SIVA1: variants seen among roughly 807,000 people sequenced by gnomAD.
The protein encoded by SIVA1 is apoptosis regulatory protein Siva.
SIVA1 carries 10 observed loss-of-function variants against 19.7 expected under a neutral mutation model. That is an observed-to-expected ratio of 0.51 (90% CI 0.31 to 0.86). The LOEUF (loss-of-function observed/expected upper bound fraction) is 0.86, where lower values mean the gene tolerates loss of function less well. Among genes scored for constraint, SIVA1 ranks in the 40% least tolerant of loss-of-function variants. The probability of loss-of-function intolerance (pLI) is 0.04; values close to 1 mark genes in which losing one functional copy is unlikely to be tolerated. For synonymous variants in SIVA1, 130 were observed against 106.1 expected (o/e 1.23, Z -1.39); for missense variants, 241 against 245.2 (o/e 0.98, Z 0.11).
rs764847526 is a variant in SIVA1, at chr14:104,756,765, G to A, written c.470+5G>A. ...TACCCTGTGTGGCCTCGTGGAGTAA[G>A]TACTTCAGTCCCTGGAGCTGCTGAG... is the stretch of plus-strand genomic sequence containing the variant. On this transcript the variant is annotated splice_donor_5th_base_variant and intron_variant, in intron 3 of 3. Coordinates refer to ENST00000329967, the MANE Select transcript of SIVA1 (RefSeq NM_006427.4). 1.9e-6 allele frequency: 3 copies of A among 1,607,060 alleles called. No homozygotes were observed. The highest frequency in any genetic ancestry group is 2.6e-6 in the Non-Finnish European group (3 of 1,175,534).
At chr14:104,754,988 A>G (rs924762724) in intron 1 of SIVA1, among the ~76,000 whole-genome samples, 2 of 152,318 alleles carry the variant, frequency 1.3e-5, no homozygotes, top group South Asian at 2.1e-4. Flanking sequence ...TGATTTTTCA[A>G]AGCTCCCCAG....
chr14:104,758,435 T>C (rs1891973482), intron 3 of SIVA1: 1 of 152,190 alleles, frequency 6.6e-6, no homozygotes, highest in Non-Finnish European at 1.5e-5. Context: ...ACATCTCTCT[T>C]AATCACTTTC....
intron 3 of SIVA1, 116 bp downstream of exon 3, chr14:104,756,876 T>C: frequency 8.4e-7 from 1 of 1,191,644 alleles, no homozygotes; most frequent in Non-Finnish European, 1.2e-6. Context: ...CCTGATGCAG[T>C]GCCATCTGGC....
In SIVA1 at chr14:104,759,522, G is replaced by T; in HGVS notation, c.*37G>T. The T allele has an allele frequency of 6.3e-7, 1 of 1,579,076 alleles. No individual in the cohort carries two copies. The highest frequency in any genetic ancestry group is 1.7e-5 in the Admixed American group (1 of 59,780). ...GCCGGCTGCCTTCACCGGGAGCCACGCCGTGCATGGCAGCCTTCCCTGGAC... is the reference window on the plus strand; with the variant it reads ...GCCGGCTGCCTTCACCGGGAGCCACTCCGTGCATGGCAGCCTTCCCTGGAC... On this transcript the variant is annotated 3_prime_UTR_variant, in exon 4 of 4. Coordinates refer to ENST00000329967, the MANE Select transcript of SIVA1 (RefSeq NM_006427.4). The surrounding 1 kb of genome is among the most constrained non-coding windows in gnomAD (Gnocchi z 4.2).
chr14:104,757,146 C>T (rs1358703097), intron 3 of SIVA1: 2 of 332,466 alleles, frequency 6.0e-6, no homozygotes, highest in South Asian at 2.4e-5. Flanking sequence ...TCATGCGTGC[C>T]GTTTGGTTGT....
chr14:104,755,983 G>A (rs1034266010), intron 2 of SIVA1, 159 bp downstream of exon 2: 1 of 744,518 alleles, frequency 1.3e-6, no homozygotes, highest in East Asian at 2.7e-5. Context: ...GTTATCAGGA[G>A]GTCTCACATT....
rs983951800 is a variant in SIVA1 at position 104,755,673 on chromosome 14, G to T, written c.162G>T (p.Leu54=). ...TGTTCCTCGGGGCCCAGGCCTACCT[G>T]GACCACGTGTGGGATGAAGGCTGTG... ...RLLFLGAQAY[L]DHVWDEGCAV... is the part of the protein sequence containing the mutation. The change falls in exon 2 of 4, where the codon CTG becomes CTT. Residue 54 remains leucine, a synonymous_variant. Transcript: ENST00000329967. The T allele has an allele frequency of 6.2e-7, 1 of 1,613,884 alleles. No homozygotes were observed. The highest frequency in any genetic ancestry group is 8.5e-7 in the Non-Finnish European group (1 of 1,179,956).
At position 104,756,634 on chromosome 14, in the gene SIVA1, C is replaced by G. The variant is rs746849274; in HGVS notation, c.344C>G (p.Ser115Cys). 6.2e-7 allele frequency: 1 copy of G among 1,614,202 alleles called. No individual in the cohort carries two copies. Among genetic ancestry groups the G allele is most frequent in the Admixed American group, 1.7e-5 (1 of 60,034 alleles). The change falls in exon 3 of 4, where the codon TCC becomes TGC. Residue 115 changes from serine to cysteine, a missense_variant. Physicochemically the swap from Ser to Cys is moderately radical, Grantham distance 112. Transcript: ENST00000329967. ...DPSGVASIAC[S>C]SCVRAVDGKA... ...TCTGGGGTAGCGTCCATTGCCTGTT[C>G]CTCATGCGTGCGAGCCGTGGATGGG... is the stretch of plus-strand genomic sequence containing the variant.
Position 104,759,499 on chromosome 14 carries a change from C to T in SIVA1, c.*14C>T, listed in dbSNP as rs781346755. On this transcript the variant is annotated 3_prime_UTR_variant, in exon 4 of 4. Coordinates refer to ENST00000329967, the MANE Select transcript of SIVA1 (RefSeq NM_006427.4). This position sits in a 1 kb window ranked among gnomAD's most constrained non-coding sequence, Gnocchi z 4.2. ...TTCGAGACCTGAGGCTGGCTCAAGCCGGCTGCCTTCACCGGGAGCCACGCC... is the reference window on the plus strand; with the variant it reads ...TTCGAGACCTGAGGCTGGCTCAAGCTGGCTGCCTTCACCGGGAGCCACGCC... 8 of 1,607,456 alleles carry T rather than the reference C, an allele frequency of 5.0e-6. No homozygotes were observed. Among genetic ancestry groups the T allele is most frequent in the East Asian group, 4.5e-5 (2 of 44,852 alleles).
At position 104,759,069 on chromosome 14, in the gene SIVA1, AG is replaced by A. The variant is rs1359930449; in HGVS notation, c.471-356del. On this transcript the variant is annotated intron_variant, in intron 3 of 3. Transcript: ENST00000329967. The surrounding 1 kb of genome is among the most constrained non-coding windows in gnomAD (Gnocchi z 4.2). ...AGAAGTCTGAGAGGAAGGTGCTGGC[AG>A]GGCTGGTTCCTTCTGAGGCTGCAAT... The A allele has an allele frequency of 7.2e-5, 13 of 179,886 alleles. No homozygotes were observed. In the Admixed American group the frequency reaches 8.0e-4, roughly 11 times the overall value. 11.1% of individuals were successfully genotyped at this position (179,886 alleles called of 1,614,324 possible). A position where few individuals can be genotyped will look rare whatever the true frequency, so the allele number is the denominator to read the frequency against.
intron 1 of SIVA1, 70 bp from the exon 2 acceptor site, chr14:104,755,560 G>T: frequency 7.4e-7 from 1 of 1,355,124 alleles, no homozygotes; most frequent in South Asian, 1.2e-5. Flanking sequence ...AGGCTAGAAA[G>T]ACTCAATGGC....
At chr14:104,758,640 C>G (rs1424047540) in intron 3 of SIVA1, 2 of 152,208 alleles carry the variant, frequency 1.3e-5, no homozygotes, top group African/African-American at 4.8e-5. Context: ...CAGGCGTGCG[C>G]TAGCACGCCC....
At chr14:104,754,055 C>T (rs945396280) in intron 1 of SIVA1, among the ~76,000 whole-genome samples, 1 of 152,132 alleles carries the variant, frequency 6.6e-6, no homozygotes, top group Non-Finnish European at 1.5e-5. Context: ...CGTGTGGCTG[C>T]AGTGTCCAGT....
rs1458122357 is a variant in SIVA1 at position 104,756,608 on chromosome 14, A to T, written c.318A>T (p.Pro106=). The T allele has an allele frequency of 2.0e-5, 32 of 1,614,046 alleles. No homozygotes were observed. Among genetic ancestry groups the T allele is most frequent in the Non-Finnish European group, 2.5e-5 (30 of 1,180,040 alleles). ...CTTGGCGTTTCTTCCTCACAGACCC[A>T]TCTGGGGTAGCGTCCATTGCCTGTT... ...RSLGQASEAD[P]SGVASIACSS... The change falls in exon 3 of 4, where the codon CCA becomes CCT. Residue 106 remains proline (P), a synonymous_variant. Coordinates refer to ENST00000329967, the MANE Select transcript of SIVA1 (RefSeq NM_006427.4).
Position 104,759,310 on chromosome 14 carries a change from TA to T in SIVA1, c.471-116del. ...TGCCCGCAGTGATCCTGTCTCCAGATAAGGTCATGTCCTGAGGTGTTCTGGG... is the reference window on the plus strand; with the variant it reads ...TGCCCGCAGTGATCCTGTCTCCAGATAGGTCATGTCCTGAGGTGTTCTGGG... On this transcript the variant is annotated intron_variant, in intron 3 of 3. Transcript: ENST00000329967. This position sits in a 1 kb window ranked among gnomAD's most constrained non-coding sequence, Gnocchi z 4.2. 1 of 769,304 alleles carries T rather than the reference TA, an allele frequency of 1.3e-6. No individual in the cohort carries two copies. Among genetic ancestry groups the T allele is most frequent in the Non-Finnish European group, 2.1e-6 (1 of 468,310 alleles). The allele number at this position is 769,304 out of a possible 1,614,324, so 47.7% of individuals were successfully genotyped here.
chr14:104,756,881 T>G, intron 3 of SIVA1, 121 bp downstream of exon 3: 5 of 1,130,046 alleles, frequency 4.4e-6, no homozygotes, highest in African/African-American at 1.6e-5. Flanking sequence ...TGCAGTGCCA[T>G]CTGGCATTGC....
At chr14:104,757,856 C>G (rs1283612927) in intron 3 of SIVA1, 1 of 152,618 alleles carries the variant, frequency 6.6e-6, no homozygotes, top group Middle Eastern at 3.2e-3. Flanking sequence ...TTGAGGGACT[C>G]CCTTGCGCCC....
At chr14:104,756,524 T>C (rs1891893098) in intron 2 of SIVA1, 80 bp from the exon 3 acceptor site, 2 of 1,539,098 alleles carry the variant, frequency 1.3e-6, no homozygotes, top group Admixed American at 3.3e-5. Flanking sequence ...CCCTCAGGTA[T>C]GCATGGAGGC....
chr14:104,755,096 C>T (rs967267217), intron 1 of SIVA1, among the ~76,000 whole-genome samples: 3 of 152,158 alleles, frequency 2.0e-5, no homozygotes, highest in Non-Finnish European at 2.9e-5. Flanking sequence ...CTTGTCTTGC[C>T]AGCAACTCTG....
Sources: allele counts gnomAD v4.1 joint callset (sites outside exome capture counted in the v4.1 genomes callset), GRCh38; gene constraint gnomAD v4.1.1; non-coding constraint Gnocchi (gnomAD v3.1); transcripts MANE v1.5; gene names NCBI Gene and HGNC (gene_info 2026-07-23, HGNC 2026-07-21).